VCL: variants seen among roughly 807,000 people sequenced by gnomAD.
VCL encodes the protein vinculin, also known as epididymis luminal protein 114.
A neutral mutation model predicts 125.7 loss-of-function variants in VCL; 47 were observed. The ratio of observed to expected loss-of-function variants is 0.37; its 90% CI spans 0.30 to 0.48. VCL has a LOEUF of 0.48. Ranked by LOEUF, VCL falls within the 20% of genes least tolerant of loss-of-function variation. The pLI is 0.99. For missense variants in VCL, 1,069 were observed against 1,455.5 expected (o/e 0.73, Z 4.32); for synonymous variants, 458 against 514.6 (o/e 0.89, Z 1.49).
intron 1 of VCL, among the ~76,000 whole-genome samples, chr10:74,039,882 G>A (rs1841061314): frequency 6.6e-6 from 1 of 152,220 alleles, no homozygotes; most frequent in African/African-American, 2.4e-5. Context: ...TGGCCTAAAA[G>A]GCTCTTTATG....
chr10:74,007,461 T>C (rs1840340838), intron 1 of VCL, among the ~76,000 whole-genome samples: 1 of 152,184 alleles, frequency 6.6e-6, no homozygotes, highest in Non-Finnish European at 1.5e-5. Context: ...GGTTCCTCAG[T>C]GGCAGGGACA....
At chr10:74,065,834 C>A (rs1591683564) in intron 2 of VCL, among the ~76,000 whole-genome samples, 1 of 151,894 alleles carries the variant, frequency 6.6e-6, no homozygotes, top group Non-Finnish European at 1.5e-5. Context: ...TTTTGGAAAG[C>A]AGTTTGTCAT....
chr10:74,092,644 GC>G (rs1287072819), intron 10 of VCL, among the ~76,000 whole-genome samples: 3 of 152,016 alleles, frequency 2.0e-5, no homozygotes, highest in African/African-American at 4.8e-5. Flanking sequence ...AGCTACCACG[GC>G]CCAGGCTTAA....
In VCL at chr10:74,107,266, T is replaced by A; in HGVS notation, c.2471T>A (p.Ile824Asn). The A allele has an allele frequency of 1.2e-6, 2 of 1,614,198 alleles. No homozygotes were observed. The highest frequency in any genetic ancestry group is 1.7e-6 in the Non-Finnish European group (2 of 1,180,040). Residue 824 changes from isoleucine to asparagine, a missense_variant, in exon 17 of 22, where the codon ATC (isoleucine) becomes AAC (asparagine). Physicochemically the swap from Ile to Asn is moderately radical, Grantham distance 149 (BLOSUM62 -3). Coordinates refer to ENST00000211998, the MANE Select transcript of VCL (RefSeq NM_014000.3). ...QKSFLDSGYRILGAVAKVREA... is the reference protein window; with the variant it reads ...QKSFLDSGYRNLGAVAKVREA... ...AGCTTCCTGGACTCAGGATATCGGATCCTGGGAGCTGTGGCCAAGGTCAGA... is the reference window on the plus strand; with the variant it reads ...AGCTTCCTGGACTCAGGATATCGGAACCTGGGAGCTGTGGCCAAGGTCAGA...
chr10:74,084,693 A>G (rs1001960397), intron 8 of VCL, among the ~76,000 whole-genome samples: 1 of 152,004 alleles, frequency 6.6e-6, no homozygotes, highest in Non-Finnish European at 1.5e-5. Context: ...GCTCACTGCA[A>G]CCTTCGCCTC....
intron 1 of VCL, among the ~76,000 whole-genome samples, chr10:74,018,189 T>G (rs1591653472): frequency 7.2e-6 from 1 of 138,806 alleles, no homozygotes. Flanking sequence ...TATATATATA[T>G]ATATATATAT....
At position 74,071,280 on chromosome 10, in the gene VCL, A is replaced by G. The variant is rs968599085; in HGVS notation, c.499+197A>G. 4.6e-5 allele frequency among the ~76,000 whole-genome samples: 7 copies of G among 152,152 alleles called. No individual in the cohort carries two copies. Among genetic ancestry groups the G allele is most frequent in the Non-Finnish European group, 1.0e-4 (7 of 68,030 alleles). Reference sequence around the variant, plus strand: ...TCTGGTATCTGAATCTGCTTTCTATATATTGCCTTGTCAAATGAATTAAAC... The same window carrying G: ...TCTGGTATCTGAATCTGCTTTCTATGTATTGCCTTGTCAAATGAATTAAAC... On this transcript the variant is annotated intron_variant, in intron 4 of 21. Transcript: ENST00000211998. This position sits in a 1 kb window ranked among gnomAD's most constrained non-coding sequence, Gnocchi z 4.1.
chr10:74,066,047 G>GTA (rs143197525), intron 2 of VCL, among the ~76,000 whole-genome samples: 37,812 of 133,052 alleles, frequency 0.28, 6,706 homozygotes, highest in Non-Finnish European at 0.39. Flanking sequence ...ATCAATTTTG[G>GTA]TATATATATA....
intron 2 of VCL, among the ~76,000 whole-genome samples, chr10:74,059,213 G>C (rs1841436254): frequency 6.6e-6 from 1 of 151,976 alleles, no homozygotes; most frequent in African/African-American, 2.4e-5. Flanking sequence ...AAACTAGTTC[G>C]GCATGGTGGC....
chr10:74,046,454 G>C (rs1841198307), intron 2 of VCL, among the ~76,000 whole-genome samples: 4 of 152,162 alleles, frequency 2.6e-5, no homozygotes, highest in Admixed American at 2.0e-4. Flanking sequence ...TGTTGCCCAG[G>C]CTGGTCTTGA....
chr10:74,061,353 G>T (rs1841475739), intron 2 of VCL, among the ~76,000 whole-genome samples: 1 of 152,102 alleles, frequency 6.6e-6, no homozygotes, highest in Non-Finnish European at 1.5e-5. Flanking sequence ...CTCTGTTTTG[G>T]ACCTATCATT....
intron 1 of VCL, among the ~76,000 whole-genome samples, chr10:74,040,401 C>G (rs1318814923): frequency 3.3e-5 from 5 of 152,206 alleles, no homozygotes; most frequent in African/African-American, 1.2e-4. Context: ...AGTTCTCCCT[C>G]CCACGCTTGC....
At chr10:74,113,650 C>T (rs564762418) in intron 19 of VCL, among the ~76,000 whole-genome samples, 5 of 151,544 alleles carry the variant, frequency 3.3e-5, no homozygotes, top group Admixed American at 1.3e-4. Flanking sequence ...GTAGCAAGAA[C>T]GCTTGGCTGC....
intron 2 of VCL, among the ~76,000 whole-genome samples, chr10:74,060,966 A>G (rs1285005320): frequency 6.6e-6 from 1 of 152,100 alleles, no homozygotes; most frequent in Non-Finnish European, 1.5e-5. Flanking sequence ...GATATATAGC[A>G]TAAGATTTTT....
intron 10 of VCL, among the ~76,000 whole-genome samples, chr10:74,093,527 T>C (rs1839921401): frequency 6.6e-6 from 1 of 152,180 alleles, no homozygotes; most frequent in Non-Finnish European, 1.5e-5. Flanking sequence ...GTCATGCCTA[T>C]AATCCCAGCA....
At position 73,998,155 on chromosome 10, in the gene VCL, C is replaced by T. The variant is rs1840150035; in HGVS notation, c.-53C>T. 6.3e-7 allele frequency: 1 copy of T among 1,593,008 alleles called. No homozygotes were observed. ...CTGTCTCTTCGCCGGTTCCCGGCCC[C>T]GTGGATCCTACTTCTCTGTCGCCCG... On this transcript the variant is annotated 5_prime_UTR_variant, in exon 1 of 22. Coordinates refer to ENST00000211998, the MANE Select transcript of VCL (RefSeq NM_014000.3).
intron 1 of VCL, 80 bp from the exon 2 acceptor site, chr10:74,043,003 A>C: frequency 7.6e-7 from 1 of 1,322,132 alleles, no homozygotes; most frequent in Non-Finnish European, 1.1e-6. Flanking sequence ...GTTTAAGTAT[A>C]TGTTTCAAAT....
At chr10:74,114,420 TGTGTGTGTGTGTGTGTGC>T in intron 20 of VCL, 33 bp downstream of exon 20, 16 of 1,571,956 alleles carry the variant, frequency 1.0e-5, no homozygotes, top group Non-Finnish European at 1.4e-5. Context: ...TGTGTGTGTG[TGTGTGTGTGTGTGTGTGC>T]GTGTGTGTGT....
At chr10:74,103,789 C>G (rs370529257) in intron 14 of VCL, 31 bp from the exon 15 acceptor site, 1 of 1,598,948 alleles carries the variant, frequency 6.3e-7, no homozygotes, top group African/African-American at 1.3e-5. Flanking sequence ...CAAGGGTGCT[C>G]TGGTGTTTAA....
Sources: gnomAD v4.1 joint callset for allele counts (sites outside exome capture counted in the v4.1 genomes callset) on GRCh38, gnomAD v4.1.1 for gene constraint, Gnocchi (gnomAD v3.1) non-coding constraint, MANE v1.5 for transcripts, NCBI Gene and HGNC (gene_info 2026-07-23, HGNC 2026-07-21) for gene names.